SNX14: variants seen among roughly 807,000 people sequenced by gnomAD.
SNX14 encodes sorting nexin-14.
A neutral mutation model predicts 133.8 loss-of-function variants in SNX14; 93 were observed. The observed-to-expected ratio is 0.70, with a 90% CI of 0.59 to 0.83. The LOEUF (loss-of-function observed/expected upper bound fraction) is 0.83, where lower values mean the gene tolerates loss of function less well. Among genes scored for constraint, SNX14 ranks in the 40% least tolerant of loss-of-function variants. The probability of loss-of-function intolerance (pLI) is 0.00; values close to 1 mark genes in which losing one functional copy is unlikely to be tolerated. For missense variants in SNX14, 945 were observed against 1,094.9 expected, an observed-to-expected ratio of 0.86 and a Z score of 1.93; for synonymous variants, 368 against 365.6, an observed-to-expected ratio of 1.01 and a Z score of -0.07.
Position 85,556,620 on chromosome 6 carries a change from A to AT in SNX14, c.634+1355dup, listed in dbSNP as rs531005039. On this transcript the variant is annotated intron_variant, in intron 7 of 28. Transcript: ENST00000314673. Reference sequence around the variant, plus strand: ...TGAGTAGCACCACCACACCTGGCTAATTTTTGTATTTTTAGTAGACATGGG... The same window carrying AT: ...TGAGTAGCACCACCACACCTGGCTAATTTTTTGTATTTTTAGTAGACATGGG... Among the ~76,000 whole-genome samples the AT allele has an allele frequency of 2.0e-3, 308 of 151,766 alleles. 1 individual carries two copies. The highest frequency in any genetic ancestry group is 3.1e-3 in the Non-Finnish European group (210 of 67,902).
rs918971684 is a variant in SNX14 at position 85,530,602 on chromosome 6, G to A, written c.1811-327C>T. Among the ~76,000 whole-genome samples, 79 of 148,250 alleles carry A rather than the reference G, an allele frequency of 5.3e-4. 1 individual carries two copies. Among genetic ancestry groups the A allele is most frequent in the African/African-American group, 1.4e-3 (57 of 39,936 alleles). On this transcript the variant is annotated intron_variant, in intron 18 of 28. Coordinates refer to ENST00000314673, the MANE Select transcript of SNX14 (RefSeq NM_153816.6). ...AGAGGTTGCAGCGAGCCGAGATTGCGCCATTGCACTCCAGCCTGGGCAACA... is the reference window on the plus strand; with the variant it reads ...AGAGGTTGCAGCGAGCCGAGATTGCACCATTGCACTCCAGCCTGGGCAACA...
intron 5 of SNX14, among the ~76,000 whole-genome samples, 193 bp downstream of exon 5, chr6:85,567,341 T>C (rs991111792): frequency 6.7e-6 from 1 of 149,940 alleles, no homozygotes; most frequent in African/African-American, 2.5e-5. Flanking sequence ...TAGTATCTAA[T>C]GGGAGAGGTC....
intron 1 of SNX14, among the ~76,000 whole-genome samples, chr6:85,578,002 T>C (rs2128214686): frequency 6.6e-6 from 1 of 152,300 alleles, no homozygotes; most frequent in African/African-American, 2.4e-5. Context: ...ATGTAGATAA[T>C]TCTCTTTCTA....
chr6:85,571,365 A>C (rs1459561676), intron 4 of SNX14, among the ~76,000 whole-genome samples: 1 of 152,012 alleles, frequency 6.6e-6, no homozygotes, highest in African/African-American at 2.4e-5. Context: ...ATCTCAAAAA[A>C]AAAAAAAAAA....
At chr6:85,567,082 T>C (rs1315125087) in intron 5 of SNX14, among the ~76,000 whole-genome samples, 3 of 152,226 alleles carry the variant, frequency 2.0e-5, no homozygotes, top group Non-Finnish European at 4.4e-5. Context: ...GGTACAATTA[T>C]TTCAAATGTG....
At chr6:85,570,801 C>G (rs1415169944) in intron 4 of SNX14, among the ~76,000 whole-genome samples, 1 of 151,040 alleles carries the variant, frequency 6.6e-6, no homozygotes, top group Middle Eastern at 3.2e-3. Context: ...TGCAGTGAGC[C>G]AAGATTATGC....
chr6:85,593,009 G>A (rs772072856), intron 1 of SNX14, among the ~76,000 whole-genome samples: 1 of 152,154 alleles, frequency 6.6e-6, no homozygotes, highest in Non-Finnish European at 1.5e-5. Flanking sequence ...GCGAGACTCC[G>A]TCTCAAAAAT....
At position 85,543,381 on chromosome 6, in the gene SNX14, A is replaced by T. The variant is rs866105675; in HGVS notation, c.1265-75T>A. On this transcript the variant is annotated intron_variant, in intron 13 of 28. Transcript: ENST00000314673. Reference sequence around the variant, plus strand: ...ATACAGTTCTAAAACGTTTTACTGAAACTCCACTGAAACACACTAGATTGA... The same window carrying T: ...ATACAGTTCTAAAACGTTTTACTGATACTCCACTGAAACACACTAGATTGA... The T allele has an allele frequency of 6.9e-5, 91 of 1,311,920 alleles. No homozygotes were observed. In the Middle Eastern group the frequency reaches 1.6e-3, roughly 24 times the overall value. 81.3% of individuals were successfully genotyped at this position (1,311,920 alleles called of 1,614,324 possible).
intron 4 of SNX14, among the ~76,000 whole-genome samples, chr6:85,569,749 A>C (rs941290809): frequency 6.6e-6 from 1 of 152,226 alleles, no homozygotes; most frequent in Non-Finnish European, 1.5e-5. Context: ...CCTTTGGTAA[A>C]ATTATCAATA....
rs1064793681 is a variant in SNX14, at chr6:85,507,264, ACAATGTC to A, written c.2764_2770del (p.Asp922Ter). ...GAGCTCTGGAAACAGTTCCTGTATCACAATGTCCAATAAAACATAAGTCAGCTAAAGC... is the reference window on the plus strand; with the variant it reads ...GAGCTCTGGAAACAGTTCCTGTATCACAATAAAACATAAGTCAGCTAAAGC... On this transcript the variant is annotated frameshift_variant, in exon 28 of 29. Transcript: ENST00000314673. LOFTEE classifies it high-confidence loss of function. 2.5e-6 allele frequency: 4 copies of A among 1,611,410 alleles called. No homozygotes were observed. In the South Asian group the frequency reaches 4.4e-5, roughly 18 times the overall value.
intron 26 of SNX14, 117 bp from the exon 27 acceptor site, chr6:85,508,176 C>A: frequency 6.9e-7 from 1 of 1,446,776 alleles, no homozygotes; most frequent in Non-Finnish European, 9.1e-7. Context: ...AACTGCAAAT[C>A]AATACTCCCC....
intron 12 of SNX14, among the ~76,000 whole-genome samples, chr6:85,544,889 C>T (rs925337317): frequency 6.6e-6 from 1 of 151,966 alleles, no homozygotes; most frequent in Non-Finnish European, 1.5e-5. Context: ...TGAAGAGCAC[C>T]GGGACAGTAA....
chr6:85,575,082 C>A (rs2128205793), intron 1 of SNX14, among the ~76,000 whole-genome samples: 1 of 152,270 alleles, frequency 6.6e-6, no homozygotes, highest in South Asian at 2.1e-4. Context: ...GAGAGAAACA[C>A]ATGGGCTTAG....
chr6:85,509,624 C>T (rs1772066575), intron 26 of SNX14, among the ~76,000 whole-genome samples: 1 of 152,292 alleles, frequency 6.6e-6, no homozygotes, highest in South Asian at 2.1e-4. Context: ...CTATCAACAT[C>T]CCCAACAAGA....
Position 85,508,127 on chromosome 6 carries a change from A to G in SNX14, c.2654-68T>C. The G allele has an allele frequency of 2.0e-6, 3 of 1,527,824 alleles. No homozygotes were observed. The East Asian group carries it at 7.4e-5, about 38-fold the overall frequency. The allele number at this position is 1,527,824 out of a possible 1,614,324, so 94.6% of individuals were successfully genotyped here. On this transcript the variant is annotated intron_variant, in intron 26 of 28. Coordinates refer to ENST00000314673, the MANE Select transcript of SNX14 (RefSeq NM_153816.6). ...GTGACTCACCATTAACTGGATCATA[A>G]AGCAAAATCACCACCCTGTTTCCCA...
chr6:85,515,262 C>CTA (rs1774474348), intron 23 of SNX14, among the ~76,000 whole-genome samples: 1 of 22,770 alleles, frequency 4.4e-5, no homozygotes. Context: ...GCAAGACCGT[C>CTA]AAAAAAAAAA....
At chr6:85,527,985 T>A (rs555524347) in intron 20 of SNX14, among the ~76,000 whole-genome samples, 1 of 152,112 alleles carries the variant, frequency 6.6e-6, no homozygotes, top group South Asian at 2.1e-4. Context: ...GTTCCTTTTT[T>A]TAATGTCCTA....
chr6:85,553,522 C>T (rs1421446593), intron 7 of SNX14, among the ~76,000 whole-genome samples: 1 of 152,034 alleles, frequency 6.6e-6, no homozygotes, highest in African/African-American at 2.4e-5. Context: ...CCGTGGCTCA[C>T]GCCTGTAATC....
At chr6:85,568,210 T>C (rs185201203) in intron 4 of SNX14, 8 of 152,316 alleles carry the variant, frequency 5.3e-5, no homozygotes, top group African/African-American at 1.9e-4. Flanking sequence ...CTCTGAAGCT[T>C]AACTGAACCA....
Sources: allele counts gnomAD v4.1 joint callset (sites outside exome capture counted in the v4.1 genomes callset), GRCh38; gene constraint gnomAD v4.1.1; transcripts MANE v1.5; gene names NCBI Gene and HGNC (gene_info 2026-07-23, HGNC 2026-07-21).